CACNA2D3: variants seen among roughly 807,000 people sequenced by gnomAD.
CACNA2D3 encodes calcium voltage-gated channel auxiliary subunit alpha2delta 3, also known as voltage-dependent calcium channel subunit alpha-2/delta-3.
Under a neutral mutation model 160.6 loss-of-function variants are expected in CACNA2D3, and 60 were observed. The observed-to-expected ratio is 0.37, with a 90% CI of 0.30 to 0.46. The LOEUF is 0.46. CACNA2D3 is among the 20% of genes least tolerant of loss of function. The pLI, the probability that CACNA2D3 is intolerant of heterozygous loss-of-function variation, is 1.00. For synonymous variants in CACNA2D3, 558 were observed against 492.9 expected (o/e 1.13, Z -1.75); for missense variants, 1,205 against 1,365.0 (o/e 0.88, Z 1.85).
intron 27 of CACNA2D3, among the ~76,000 whole-genome samples, chr3:54,912,842 G>A (rs1019434395): frequency 1.3e-5 from 2 of 152,080 alleles, no homozygotes; most frequent in Non-Finnish European, 2.9e-5. Flanking sequence ...CCTCCTATAT[G>A]CCACATTGTA....
intron 6 of CACNA2D3, among the ~76,000 whole-genome samples, chr3:54,564,284 C>T (rs1157466759): frequency 6.6e-6 from 1 of 152,162 alleles, no homozygotes; most frequent in Non-Finnish European, 1.5e-5. Flanking sequence ...AAAGGGAATC[C>T]TCATAAAGGG....
chr3:54,630,119 AGGTGGTCCT>A (rs528815070), intron 10 of CACNA2D3, among the ~76,000 whole-genome samples: 32 of 152,154 alleles, frequency 2.1e-4, no homozygotes, highest in African/African-American at 6.0e-4. Flanking sequence ...CACACCCGTG[AGGTGGTCCT>A]GGTGGTCCCT....
intron 2 of CACNA2D3, among the ~76,000 whole-genome samples, chr3:54,319,939 T>C (rs1703951253): frequency 1.3e-5 from 2 of 152,228 alleles, no homozygotes; most frequent in African/African-American, 4.8e-5. Context: ...TGCTTCTGTG[T>C]TCAATCTCTT....
chr3:54,371,442 A>C (rs1450435378), intron 3 of CACNA2D3, among the ~76,000 whole-genome samples: 5 of 152,210 alleles, frequency 3.3e-5, no homozygotes, highest in African/African-American at 1.2e-4. Context: ...TAACAACTTC[A>C]TCGAGATATA....
intron 16 of CACNA2D3, 138 bp downstream of exon 16, chr3:54,838,786 A>G: frequency 1.5e-6 from 1 of 662,014 alleles, no homozygotes. Flanking sequence ...TTGTCTTTAT[A>G]CCATCTGCAC....
intron 32 of CACNA2D3, among the ~76,000 whole-genome samples, chr3:55,005,109 C>G (rs1479926764): frequency 1.3e-5 from 2 of 151,940 alleles, no homozygotes; most frequent in Non-Finnish European, 2.9e-5. Flanking sequence ...AACCCTGTCT[C>G]TACTAAAAAT....
chr3:54,741,712 T>G (rs1181539578), intron 11 of CACNA2D3, among the ~76,000 whole-genome samples: 1 of 152,174 alleles, frequency 6.6e-6, no homozygotes. Flanking sequence ...GGTGGTCCAC[T>G]GGACAATTTC....
At chr3:54,445,172 A>T (rs577244973) in intron 4 of CACNA2D3, among the ~76,000 whole-genome samples, 1 of 152,106 alleles carries the variant, frequency 6.6e-6, no homozygotes, top group South Asian at 2.1e-4. Context: ...GGCTGGGACA[A>T]CCCCCCTCTA....
intron 4 of CACNA2D3, among the ~76,000 whole-genome samples, chr3:54,423,766 A>G (rs1699871989): frequency 6.6e-6 from 1 of 151,994 alleles, no homozygotes; most frequent in South Asian, 2.1e-4. Flanking sequence ...CTTTTCTCTG[A>G]CCTACCTGGA....
At chr3:54,437,513 G>C (rs1040952027) in intron 4 of CACNA2D3, among the ~76,000 whole-genome samples, 4 of 152,218 alleles carry the variant, frequency 2.6e-5, no homozygotes, top group Non-Finnish European at 4.4e-5. Flanking sequence ...GGTGGGAATA[G>C]CTTTTCTGGA....
chr3:54,383,859 T>G (rs544104273), intron 3 of CACNA2D3, among the ~76,000 whole-genome samples: 2 of 152,348 alleles, frequency 1.3e-5, no homozygotes, highest in South Asian at 4.1e-4. Flanking sequence ...AGTGTTTACC[T>G]TCTTGTGTTG....
intron 4 of CACNA2D3, among the ~76,000 whole-genome samples, chr3:54,391,394 G>A (rs893265118): frequency 2.0e-5 from 3 of 152,164 alleles, no homozygotes; most frequent in African/African-American, 7.2e-5. Flanking sequence ...TGGGGCAAGA[G>A]GCAAAATGCA....
chr3:54,411,672 C>G (rs1432738311), intron 4 of CACNA2D3, among the ~76,000 whole-genome samples: 1 of 152,076 alleles, frequency 6.6e-6, no homozygotes, highest in Non-Finnish European at 1.5e-5. Context: ...ATGTGATTTG[C>G]TTTATTGTAA....
chr3:55,033,736 ATATAATATATATTATATTAAATATATAT>A (rs1703734541), intron 35 of CACNA2D3, among the ~76,000 whole-genome samples: 2 of 112,014 alleles, frequency 1.8e-5, no homozygotes, highest in African/African-American at 3.2e-5. Context: ...AATATATTTT[ATATAATATATATTATATTAAATATATAT>A]TATATAATAT....
intron 5 of CACNA2D3, among the ~76,000 whole-genome samples, chr3:54,548,588 C>T (rs538019375): frequency 2.9e-4 from 44 of 152,304 alleles, no homozygotes; most frequent in African/African-American, 9.1e-4. Flanking sequence ...AAACCCAGTA[C>T]GTTCAGTAGA....
At chr3:54,548,648 C>T (rs1362325069) in intron 5 of CACNA2D3, among the ~76,000 whole-genome samples, 1 of 152,198 alleles carries the variant, frequency 6.6e-6, no homozygotes, top group East Asian at 1.9e-4. Flanking sequence ...AACCAAGGCT[C>T]CCCAGCGTTT....
At chr3:54,598,921 C>T (rs909704924) in intron 9 of CACNA2D3, among the ~76,000 whole-genome samples, 4 of 152,138 alleles carry the variant, frequency 2.6e-5, no homozygotes, top group Non-Finnish European at 5.9e-5. Context: ...GTTTGTGATG[C>T]TCTGGGTTTT....
chr3:54,930,250 A>G (rs1285281132), intron 27 of CACNA2D3, among the ~76,000 whole-genome samples: 1 of 152,016 alleles, frequency 6.6e-6, no homozygotes, highest in Non-Finnish European at 1.5e-5. Flanking sequence ...ACCCACCCTC[A>G]ACTCCCACCA....
intron 2 of CACNA2D3, among the ~76,000 whole-genome samples, chr3:54,300,005 T>A (rs1459402069): frequency 6.6e-6 from 1 of 152,224 alleles, no homozygotes; most frequent in Admixed American, 6.5e-5. Context: ...GCTGCTCGGA[T>A]GTATTTTTCC....
Sources: gnomAD v4.1 joint callset for allele counts (sites outside exome capture counted in the v4.1 genomes callset) on GRCh38, gnomAD v4.1.1 for gene constraint, MANE v1.5 for transcripts, NCBI Gene and HGNC (gene_info 2026-07-23, HGNC 2026-07-21) for gene names.